The following PIP4K2B variants were observed in gnomAD, a reference collection of about 807,000 sequenced individuals.
The protein encoded by PIP4K2B is phosphatidylinositol 5-phosphate 4-kinase type-2 beta.
A neutral mutation model predicts 42.0 loss-of-function variants in PIP4K2B; 3 were observed. The observed-to-expected ratio is 0.07, with a 90% CI of 0.03 to 0.18. The LOEUF (loss-of-function observed/expected upper bound fraction) is 0.18, where lower values mean the gene tolerates loss of function less well. PIP4K2B is among the 10% of genes least tolerant of loss of function. PIP4K2B has a pLI of 1.00. For synonymous variants in PIP4K2B, 204 were observed against 210.1 expected (o/e 0.97, Z 0.25); for missense variants, 332 against 562.3 (o/e 0.59, Z 4.14).
At chr17:38,770,992 G>A in intron 8 of PIP4K2B, 22 bp downstream of exon 8, 6 of 1,613,740 alleles carry the variant, frequency 3.7e-6, no homozygotes, top group Non-Finnish European at 5.1e-6. Context: ...GCTGTGCAGA[G>A]CAGGCGCAGG....
intron 7 of PIP4K2B, among the ~76,000 whole-genome samples, chr17:38,774,031 G>C (rs375983804): frequency 6.6e-6 from 1 of 152,184 alleles, no homozygotes; most frequent in South Asian, 2.1e-4. Flanking sequence ...ACATAGTTGG[G>C]GGTGACTAAG....
chr17:38,785,788 T>G (rs749055125), intron 2 of PIP4K2B, among the ~76,000 whole-genome samples: 12 of 152,136 alleles, frequency 7.9e-5, no homozygotes, highest in Non-Finnish European at 1.8e-4. Flanking sequence ...GGCCAAGATA[T>G]CAAGGAGGTA....
rs1388842688 is a variant in PIP4K2B at position 38,789,338 on chromosome 17, G to A, written c.160-2418C>T. Reference sequence around the variant, plus strand: ...TCCCCACCTCGAGTTTAGCCAGTTAGTGGTCTAATTAACCACAGATGTCCT... The same window carrying A: ...TCCCCACCTCGAGTTTAGCCAGTTAATGGTCTAATTAACCACAGATGTCCT... On this transcript the variant is annotated intron_variant, in intron 1 of 9. Transcript: ENST00000619039. Among the ~76,000 whole-genome samples the A allele has an allele frequency of 2.6e-5, 4 of 152,242 alleles. No individual in the cohort carries two copies. The East Asian group carries it at 7.7e-4, about 29-fold the overall frequency.
intron 1 of PIP4K2B, among the ~76,000 whole-genome samples, chr17:38,791,320 C>T (rs549584748): frequency 1.3e-5 from 2 of 152,148 alleles, no homozygotes; most frequent in East Asian, 3.9e-4. Context: ...AGAAATCTTC[C>T]ATGGCTGCTC....
chr17:38,769,733 G>A lies in PIP4K2B; in HGVS notation c.1209C>T (p.Tyr403=), dbSNP rs770795901. The change falls in exon 10 of 10, where the codon TAC becomes TAT. Residue 403 remains tyrosine, a synonymous_variant. Coordinates refer to ENST00000619039, the MANE Select transcript of PIP4K2B (RefSeq NM_003559.5). ...ACATAAACTCGTTGAAGCGTTTGGA[G>A]TACTGCTCAGGGTTCACAGTCGAGA... ...AEISTVNPEQ[Y]SKRFNEFMSN... 1.6e-5 allele frequency: 26 copies of A among 1,611,650 alleles called. No homozygotes were observed. The highest frequency in any genetic ancestry group is 1.6e-4 in the Middle Eastern group (1 of 6,082).
rs1380251879 is a variant in PIP4K2B at position 38,771,176 on chromosome 17, C to T, written c.904G>A (p.Ala302Thr). 1.9e-6 allele frequency: 3 copies of T among 1,613,996 alleles called. No individual in the cohort carries two copies. Among genetic ancestry groups the T allele is most frequent in the Admixed American group, 1.7e-5 (1 of 59,986 alleles). ...TCATTCTCACACTCCTCGTCCTCTG[C>T]CCGCTCCTCCACCTCCATCTCCTCC... Reference protein sequence around the residue: ...EQEEMEVEERAEDEECENDGV... With the variant: ...EQEEMEVEERTEDEECENDGV... Residue 302 changes from alanine to threonine, a missense_variant, in exon 8 of 10, where the codon GCA becomes ACA. This residue lies in a region of PIP4K2B where 15 missense variants were observed against 45.2 expected (regional missense o/e 0.33). Coordinates refer to ENST00000619039, the MANE Select transcript of PIP4K2B (RefSeq NM_003559.5).
chr17:38,784,768 T>C (rs185921250), intron 2 of PIP4K2B, among the ~76,000 whole-genome samples: 51 of 152,334 alleles, frequency 3.3e-4, no homozygotes, highest in African/African-American at 1.2e-3. Context: ...CGATTTTCTA[T>C]GTGTGTGCTG....
intron 2 of PIP4K2B, 135 bp from the exon 3 acceptor site, chr17:38,784,474 G>A (rs920356102): frequency 1.6e-5 from 9 of 565,026 alleles, no homozygotes; most frequent in Non-Finnish European, 2.5e-5. Flanking sequence ...GGCTTCAAGC[G>A]ATCCTCCCAC....
intron 7 of PIP4K2B, 144 bp downstream of exon 7, chr17:38,777,543 C>T: frequency 1.6e-6 from 1 of 638,390 alleles, no homozygotes; most frequent in Admixed American, 2.7e-5. Flanking sequence ...CTTTAGGTGC[C>T]CATAAGTGCC....
At chr17:38,792,588 G>C (rs1421505722) in intron 1 of PIP4K2B, 1 of 152,218 alleles carries the variant, frequency 6.6e-6, no homozygotes, top group Non-Finnish European at 1.5e-5. Context: ...TTGTTACCTA[G>C]GATGCCTGGA....
intron 1 of PIP4K2B, among the ~76,000 whole-genome samples, chr17:38,796,079 G>A (rs146689619): frequency 1.3e-3 from 201 of 151,768 alleles, no homozygotes; most frequent in African/African-American, 3.8e-3. Flanking sequence ...TGGAGGTTGC[G>A]GTGAGCCGAG....
intron 1 of PIP4K2B, among the ~76,000 whole-genome samples, chr17:38,796,155 C>A (rs228233): frequency 0.34 from 50,957 of 151,954 alleles, 10,422 homozygotes; most frequent in African/African-American, 0.58. Flanking sequence ...AACAAACAAA[C>A]AAAATCACAA....
rs58027566 is a variant in PIP4K2B, at chr17:38,791,406, A to ATTTTTTTTTTTTTTTTT, written c.160-4503_160-4487dup. On this transcript the variant is annotated intron_variant, in intron 1 of 9. Transcript: ENST00000619039. The stretch of plus-strand genomic sequence containing the variant: ...TTTCCTAATCTGGCTCAGACTGCCA[A>ATTTTTTTTTTTTTTTTT]TTTTTTTTTTTTTTTTTTTTTTTTT... Among the ~76,000 whole-genome samples the ATTTTTTTTTTTTTTTTT allele has an allele frequency of 2.0e-4, 18 of 91,156 alleles. 2 individuals carry two copies. The highest frequency in any genetic ancestry group is 5.0e-4 in the African/African-American group (10 of 20,132). 59.8% of individuals were successfully genotyped at this position (91,156 alleles called of 152,430 possible).
intron 7 of PIP4K2B, chr17:38,776,078 C>G (rs1250325246): frequency 2.0e-5 from 9 of 442,370 alleles, no homozygotes; most frequent in Middle Eastern, 3.4e-4. Context: ...TCAAGCGATT[C>G]TCTTGCCTCA....
intron 8 of PIP4K2B, 150 bp downstream of exon 8, chr17:38,770,864 G>A: frequency 2.4e-6 from 2 of 843,486 alleles, no homozygotes; most frequent in Non-Finnish European, 3.7e-6. Context: ...TTCAGGTGGT[G>A]ACCCTGGATG....
rs1908878311 is a variant in PIP4K2B, at chr17:38,769,302, G to A, written c.*389C>T. 2 of 202,954 alleles carry A rather than the reference G, an allele frequency of 9.9e-6. No individual in the cohort carries two copies. The highest frequency in any genetic ancestry group is 2.0e-5 in the Non-Finnish European group (2 of 99,928). 12.6% of individuals were successfully genotyped at this position (202,954 alleles called of 1,614,324 possible). A position where few individuals can be genotyped will look rare whatever the true frequency, so the allele number is the denominator to read the frequency against. On this transcript the variant is annotated 3_prime_UTR_variant, in exon 10 of 10. Transcript: ENST00000619039. Reference sequence around the variant, plus strand: ...GAGGGTGGGTAGGCTGATGAAATATGATTATAAATAGCAAACCTGGAGCAA... The same window carrying A: ...GAGGGTGGGTAGGCTGATGAAATATAATTATAAATAGCAAACCTGGAGCAA...
In PIP4K2B at chr17:38,779,370, CAG is replaced by C. The variant is rs748540290; in HGVS notation, c.654+11_654+12del. On this transcript the variant is annotated intron_variant, in intron 5 of 9. Coordinates refer to ENST00000619039, the MANE Select transcript of PIP4K2B (RefSeq NM_003559.5). ...AGGGGAGGCACAGCTCCGGCAAACACAGAGCCCTTTACCTTGAGGTCATACTT... is the reference window on the plus strand; with the variant it reads ...AGGGGAGGCACAGCTCCGGCAAACACAGCCCTTTACCTTGAGGTCATACTT... 5.6e-6 allele frequency: 9 copies of C among 1,597,892 alleles called. No homozygotes were observed. In the South Asian group the frequency reaches 9.9e-5, roughly 18 times the overall value.
intron 1 of PIP4K2B, among the ~76,000 whole-genome samples, chr17:38,789,974 C>T (rs1403701754): frequency 1.3e-5 from 2 of 152,028 alleles, no homozygotes; most frequent in African/African-American, 4.8e-5. Context: ...TGTAAAGGGA[C>T]ATGAGAAGTG....
chr17:38,770,881 T>C, intron 8 of PIP4K2B, 133 bp downstream of exon 8: 1 of 1,012,542 alleles, frequency 9.9e-7, no homozygotes, highest in Non-Finnish European at 1.5e-6. Flanking sequence ...GATGGGAATC[T>C]GGAGGCAGAA....
Sources: allele counts gnomAD v4.1 joint callset (sites outside exome capture counted in the v4.1 genomes callset), GRCh38; gene constraint gnomAD v4.1.1; regional missense constraint gnomAD v4.1.1; transcripts MANE v1.5; gene names NCBI Gene and HGNC (gene_info 2026-07-23, HGNC 2026-07-21).